The following EFCC1 variants were observed in gnomAD, a reference collection of about 807,000 sequenced individuals.
EFCC1 encodes EF-hand and coiled-coil domain containing 1, also known as EF-hand and coiled-coil domain-containing protein 1.
A neutral mutation model predicts 52.1 loss-of-function variants in EFCC1; 50 were observed. The ratio of observed to expected loss-of-function variants is 0.96; its 90% CI spans 0.76 to 1.21. EFCC1 has a LOEUF of 1.21. Ranked by LOEUF, EFCC1 falls within the 50% of genes most tolerant of loss-of-function variation. EFCC1 has a pLI of 0.00. For synonymous variants in EFCC1, 399 were observed against 396.5 expected (o/e 1.01, Z -0.08); for missense variants, 837 against 867.3 (o/e 0.97, Z 0.44).
At chr3:129,003,425 C>A in intron 1 of EFCC1, 1 of 378,200 alleles carries the variant, frequency 2.6e-6, no homozygotes, top group Non-Finnish European at 3.6e-6. Context: ...TGGGGGGAGT[C>A]TAGGAGATGA....
At chr3:129,011,178 C>A (rs1364778356) in intron 2 of EFCC1, among the ~76,000 whole-genome samples, 2 of 152,144 alleles carry the variant, frequency 1.3e-5, no homozygotes, top group Non-Finnish European at 2.9e-5. Context: ...GATAATAATA[C>A]CCACTTCATG....
In EFCC1 at chr3:129,001,966, C is replaced by G; in HGVS notation, c.338C>G (p.Ala113Gly). 1 of 1,544,280 alleles carries G rather than the reference C, an allele frequency of 6.5e-7. No homozygotes were observed. The highest frequency in any genetic ancestry group is 8.7e-7 in the Non-Finnish European group (1 of 1,144,406). ...TCCAGAGATGTGACCCCCGGGGATGCGGCCGCTGAGTTGGCCACGGACGGG... is the reference window on the plus strand; with the variant it reads ...TCCAGAGATGTGACCCCCGGGGATGGGGCCGCTGAGTTGGCCACGGACGGG... The part of the protein sequence containing the change: ...GNSRDVTPGD[A>G]AAELATDGDS... Residue 113 changes from alanine to glycine, a missense_variant, in exon 1 of 8, where the codon GCG becomes GGG. Ala to Gly is a moderately conservative substitution (Grantham distance 60, BLOSUM62 0). Coordinates refer to ENST00000683648, the MANE Select transcript of EFCC1 (RefSeq NM_001377500.1).
At position 129,003,938 on chromosome 3, in the gene EFCC1, G is replaced by A. The variant is rs1415082770; in HGVS notation, c.841G>A (p.Val281Met). ...AGRLRRGQAE[V>M]RRRAEEARQV... ...GCGGCTGCGCCGTGGCCAGGCCGAGGTGCGGCGGCGCGCGGAGGAGGCCCG... is the reference window on the plus strand; with the variant it reads ...GCGGCTGCGCCGTGGCCAGGCCGAGATGCGGCGGCGCGCGGAGGAGGCCCG... The change falls in exon 2 of 8, where the codon GTG becomes ATG. Residue 281 changes from valine to methionine, a missense_variant. By Grantham distance (21) the Val-to-Met change is conservative (BLOSUM62 1). Transcript: ENST00000683648. 3 of 1,401,836 alleles carry A rather than the reference G, an allele frequency of 2.1e-6. No individual in the cohort carries two copies. The highest frequency in any genetic ancestry group is 2.8e-6 in the Non-Finnish European group (3 of 1,081,942). 86.8% of individuals were successfully genotyped at this position (1,401,836 alleles called of 1,614,324 possible). A position where few individuals can be genotyped will look rare whatever the true frequency, so the allele number is the denominator to read the frequency against.
chr3:129,030,592 ACT>A (rs1384584563), intron 2 of EFCC1, 109 bp from the exon 3 acceptor site: 64 of 1,284,194 alleles, frequency 5.0e-5, no homozygotes, highest in Non-Finnish European at 5.9e-5. Flanking sequence ...TGGGAAGCTG[ACT>A]CTGCCAGGGT....
At chr3:129,003,415 T>C in intron 1 of EFCC1, 1 of 436,316 alleles carries the variant, frequency 2.3e-6, no homozygotes, top group Non-Finnish European at 3.0e-6. Context: ...GAAATGCCAC[T>C]GGGGGGAGTC....
At chr3:129,005,184 C>T (rs1351155673) in intron 2 of EFCC1, among the ~76,000 whole-genome samples, 2 of 152,252 alleles carry the variant, frequency 1.3e-5, no homozygotes, top group East Asian at 1.9e-4. Context: ...TGAGCAGCCA[C>T]CTGTGAGCAG....
rs1208672176 is a variant in EFCC1 at position 129,034,415 on chromosome 3, G to A, written c.1452+86G>A. 2.7e-6 allele frequency: 4 copies of A among 1,462,520 alleles called. No homozygotes were observed. The African/African-American group carries it at 5.6e-5, about 21-fold the overall frequency. 90.6% of individuals were successfully genotyped at this position (1,462,520 alleles called of 1,614,324 possible). On this transcript the variant is annotated intron_variant, in intron 5 of 7. Coordinates refer to ENST00000683648, the MANE Select transcript of EFCC1 (RefSeq NM_001377500.1). ...GTCTGAGGGATTGCAGCCAAGTCTT[G>A]TGCCTCATTCCCAGATGAGTAAACC...
chr3:129,026,831 G>T (rs1946128457), intron 2 of EFCC1, among the ~76,000 whole-genome samples: 1 of 152,148 alleles, frequency 6.6e-6, no homozygotes, highest in African/African-American at 2.4e-5. Flanking sequence ...CCACCCGGGG[G>T]TTTTCACACT....
chr3:129,040,029 C>A lies in EFCC1; in HGVS notation c.*181C>A. On this transcript the variant is annotated 3_prime_UTR_variant, in exon 8 of 8. Coordinates refer to ENST00000683648, the MANE Select transcript of EFCC1 (RefSeq NM_001377500.1). The surrounding 1 kb of genome is among the most constrained non-coding windows in gnomAD (Gnocchi z 4.4). ...AGCCTCCCATTGCAGCACCTGGCAGCCACCCCTTCCTCGGGCTCCTCCACA... is the reference window on the plus strand; with the variant it reads ...AGCCTCCCATTGCAGCACCTGGCAGACACCCCTTCCTCGGGCTCCTCCACA... 1.4e-6 allele frequency: 1 copy of A among 716,588 alleles called. No homozygotes were observed. The highest frequency in any genetic ancestry group is 2.1e-6 in the Non-Finnish European group (1 of 478,504). 44.4% of individuals were successfully genotyped at this position (716,588 alleles called of 1,614,324 possible). A position where few individuals can be genotyped will look rare whatever the true frequency, so the allele number is the denominator to read the frequency against.
At chr3:129,006,569 G>C (rs1445619395) in intron 2 of EFCC1, among the ~76,000 whole-genome samples, 1 of 152,178 alleles carries the variant, frequency 6.6e-6, no homozygotes, top group Non-Finnish European at 1.5e-5. Flanking sequence ...GCTTGCCTTG[G>C]CCTCCCAAAG....
intron 1 of EFCC1, among the ~76,000 whole-genome samples, 183 bp from the exon 2 acceptor site, chr3:129,003,611 G>A (rs1014396236): frequency 6.6e-6 from 1 of 152,208 alleles, no homozygotes; most frequent in Admixed American, 6.5e-5. Flanking sequence ...TGGGGATGTG[G>A]CGAGGGTTAA....
At chr3:129,030,546 TG>T (rs1946251271) in intron 2 of EFCC1, 156 bp from the exon 3 acceptor site, 3 of 812,718 alleles carry the variant, frequency 3.7e-6, no homozygotes, top group African/African-American at 3.6e-5. Flanking sequence ...CAAGGGATGC[TG>T]GGAATCTGAG....
intron 2 of EFCC1, among the ~76,000 whole-genome samples, chr3:129,009,310 A>G (rs1945213509): frequency 6.6e-6 from 1 of 152,208 alleles, no homozygotes; most frequent in Non-Finnish European, 1.5e-5. Flanking sequence ...AGCTTCAGAC[A>G]TGGCTGGATT....
Position 129,001,872 on chromosome 3 carries a change from C to T in EFCC1, c.244C>T (p.Leu82Phe). The T allele has an allele frequency of 6.5e-7, 1 of 1,546,158 alleles. No homozygotes were observed. The highest frequency in any genetic ancestry group is 8.7e-7 in the Non-Finnish European group (1 of 1,145,384). Residue 82 changes from leucine (L) to phenylalanine (F), a missense_variant, in exon 1 of 8, where the codon CTC becomes TTC. Leu to Phe is a conservative substitution (Grantham distance 22). Transcript: ENST00000683648. The stretch of plus-strand genomic sequence containing the variant: ...TCTGCCCCGCGCCGACTTCCGAGCG[C>T]TCTGCGCTGTGCTGGGGCTGCGCGC... Reference protein sequence around the residue: ...GRLPRADFRALCAVLGLRAEG... With the variant: ...GRLPRADFRAFCAVLGLRAEG...
At chr3:129,030,666 C>T (rs756599353) in intron 2 of EFCC1, 37 bp from the exon 3 acceptor site, 3 of 1,545,202 alleles carry the variant, frequency 1.9e-6, no homozygotes, top group South Asian at 2.4e-5. Context: ...GTCCTGTACT[C>T]TCCTCCTCAA....
intron 2 of EFCC1, among the ~76,000 whole-genome samples, chr3:129,016,980 A>G (rs541338054): frequency 6.6e-6 from 1 of 152,326 alleles, no homozygotes. Context: ...TTGGCAGTTC[A>G]GTAAAGTTTT....
Position 129,002,249 on chromosome 3 carries a change from T to G in EFCC1, c.621T>G (p.Asn207Lys), listed in dbSNP as rs969002349. Residue 207 changes from asparagine (N) to lysine (K), a missense_variant, in exon 1 of 8, where the codon AAT (asparagine) becomes AAG (lysine). Transcript: ENST00000683648. Reference protein sequence around the residue: ...CERVARLEEENSSLRELVEDL... With the variant: ...CERVARLEEEKSSLRELVEDL... ...GCGTTGCGCGGCTGGAGGAGGAGAATAGCAGCTTGCGCGAGTTGGTGGAGG... is the reference window on the plus strand; with the variant it reads ...GCGTTGCGCGGCTGGAGGAGGAGAAGAGCAGCTTGCGCGAGTTGGTGGAGG... The G allele has an allele frequency of 1.2e-5, 19 of 1,531,106 alleles. No individual in the cohort carries two copies. The highest frequency in any genetic ancestry group is 1.7e-5 in the Non-Finnish European group (19 of 1,144,702). The allele number at this position is 1,531,106 out of a possible 1,614,324, so 94.8% of individuals were successfully genotyped here.
intron 2 of EFCC1, among the ~76,000 whole-genome samples, chr3:129,009,970 G>C (rs937443016): frequency 6.6e-6 from 1 of 152,224 alleles, no homozygotes; most frequent in South Asian, 2.1e-4. Flanking sequence ...CCGTAGCTGG[G>C]AGCCCTCCTG....
rs540202702 is a variant in EFCC1, at chr3:129,039,996, G to A, written c.*148G>A. 3.5e-5 allele frequency: 38 copies of A among 1,092,122 alleles called. No homozygotes were observed. Among genetic ancestry groups the A allele is most frequent in the Admixed American group, 7.1e-5 (2 of 28,340 alleles). The allele number at this position is 1,092,122 out of a possible 1,614,324, so 67.7% of individuals were successfully genotyped here. ...GCTGGCTCCTTCCAAGGTTAAGCCC[G>A]AGCCCAGAGCCTCCCATTGCAGCAC... On this transcript the variant is annotated 3_prime_UTR_variant, in exon 8 of 8. Coordinates refer to ENST00000683648, the MANE Select transcript of EFCC1 (RefSeq NM_001377500.1).
Sources: gnomAD v4.1 joint callset for allele counts (sites outside exome capture counted in the v4.1 genomes callset) on GRCh38, gnomAD v4.1.1 for gene constraint, Gnocchi (gnomAD v3.1) non-coding constraint, MANE v1.5 for transcripts, NCBI Gene and HGNC (gene_info 2026-07-23, HGNC 2026-07-21) for gene names.